Variants in LRRFIP1 observed in about 807,000 individuals in gnomAD.
The protein encoded by LRRFIP1 is leucine-rich repeat flightless-interacting protein 1.
In LRRFIP1, 62 loss-of-function variants were observed where a neutral mutation model predicts 104.4. That is an observed-to-expected ratio of 0.59 (90% CI 0.48 to 0.73). LRRFIP1 has a LOEUF of 0.73. Among genes scored for constraint, LRRFIP1 ranks in the 30% least tolerant of loss-of-function variants. LRRFIP1 has a pLI of 0.00. For missense variants in LRRFIP1, 796 were observed against 824.5 expected, an observed-to-expected ratio of 0.97 and a Z score of 0.42; for synonymous variants, 300 against 299.0, an observed-to-expected ratio of 1.00 and a Z score of -0.03.
intron 1 of LRRFIP1, among the ~76,000 whole-genome samples, chr2:237,694,784 G>A (rs1036146809): frequency 2.6e-5 from 4 of 152,238 alleles, no homozygotes; most frequent in Non-Finnish European, 4.4e-5. Context: ...GAGAGGGTCC[G>A]ATGCGGACAG....
In LRRFIP1 at chr2:237,653,764, A is replaced by T. The variant is rs185900489; in HGVS notation, c.96+26024A>T. ...AAGATCACACTATGGGGAAAGGATA[A>T]TCTCCTCAATAAGTGATGTTGGGGA... On this transcript the variant is annotated intron_variant, in intron 1 of 23. Transcript: ENST00000308482. 1.1e-3 allele frequency among the ~76,000 whole-genome samples: 162 copies of T among 152,362 alleles called. 1 individual carries two copies. The highest frequency in any genetic ancestry group is 3.4e-3 in the Middle Eastern group (1 of 294).
At chr2:237,747,937 A>G (rs1194206546) in intron 11 of LRRFIP1, among the ~76,000 whole-genome samples, 1 of 152,186 alleles carries the variant, frequency 6.6e-6, no homozygotes, top group Non-Finnish European at 1.5e-5. Context: ...AAACAAAAAA[A>G]GGAGAAAAAA....
At chr2:237,760,969 C>T (rs540627107) in intron 19 of LRRFIP1, among the ~76,000 whole-genome samples, 2 of 152,272 alleles carry the variant, frequency 1.3e-5, no homozygotes, top group South Asian at 2.1e-4. Context: ...CAGATTCTGG[C>T]GTGCAGCCTG....
At chr2:237,762,407 CACTG>C (rs1367864186) in intron 19 of LRRFIP1, among the ~76,000 whole-genome samples, 23 of 152,312 alleles carry the variant, frequency 1.5e-4, no homozygotes, top group Non-Finnish European at 2.5e-4. Context: ...CAGTGGCCCT[CACTG>C]ACCCAAAATT....
At chr2:237,749,398 A>T (rs543359332) in intron 13 of LRRFIP1, 74 bp downstream of exon 13, 3 of 1,514,734 alleles carry the variant, frequency 2.0e-6, no homozygotes, top group Non-Finnish European at 2.7e-6. Flanking sequence ...AAAAAAAAAA[A>T]AGTTAATTCA....
intron 8 of LRRFIP1, chr2:237,729,865 C>G: frequency 1.0e-6 from 1 of 977,272 alleles, no homozygotes; most frequent in Non-Finnish European, 1.2e-6. Flanking sequence ...TTAAATCTTT[C>G]ACATTCTCTT....
Position 237,720,792 on chromosome 2 carries a change from C to G in LRRFIP1, c.315C>G (p.Arg105=). ...AATAGGCTTCTGATGAAGACGAGCG[C>G]ATGTCAGTGGGTAGTCGTGGAAGCC... ...RNTSASDEDE[R]MSVGSRGSLR... Residue 105 remains arginine, a synonymous_variant, in exon 6 of 24, where the codon CGC becomes CGG. Coordinates refer to ENST00000308482, the MANE Select transcript of LRRFIP1 (RefSeq NM_001137550.2). 6.2e-7 allele frequency: 1 copy of G among 1,614,060 alleles called. No homozygotes were observed. Among genetic ancestry groups the G allele is most frequent in the Non-Finnish European group, 8.5e-7 (1 of 1,179,924 alleles).
In LRRFIP1 at chr2:237,765,167, G is replaced by A. The variant is rs144228647; in HGVS notation, c.1460-4776G>A. On this transcript the variant is annotated intron_variant, in intron 19 of 23. Coordinates refer to ENST00000308482, the MANE Select transcript of LRRFIP1 (RefSeq NM_001137550.2). Reference sequence around the variant, plus strand: ...AATCCCAGCCACTCCAGAGGCTGAGGCAGGAGAATCGCTTGAACCTGCGAG... The same window carrying A: ...AATCCCAGCCACTCCAGAGGCTGAGACAGGAGAATCGCTTGAACCTGCGAG... The A allele has an allele frequency of 2.9e-3, 518 of 176,108 alleles. 28 individuals carry two copies. The East Asian group carries it at 0.084, about 28-fold the overall frequency. 10.9% of individuals were successfully genotyped at this position (176,108 alleles called of 1,614,324 possible). A position where few individuals can be genotyped will look rare whatever the true frequency, so the allele number is the denominator to read the frequency against.
At chr2:237,645,291 A>G (rs2149347876) in intron 1 of LRRFIP1, among the ~76,000 whole-genome samples, 1 of 152,272 alleles carries the variant, frequency 6.6e-6, no homozygotes, top group African/African-American at 2.4e-5. Context: ...CAACCAGTGA[A>G]CTTGAGAGCA....
chr2:237,628,518 G>C (rs2081916086), intron 1 of LRRFIP1, among the ~76,000 whole-genome samples: 1 of 152,158 alleles, frequency 6.6e-6, no homozygotes, highest in South Asian at 2.1e-4. Context: ...GGGACAGAGA[G>C]CAGCAGCTTG....
chr2:237,681,180 T>G (rs59712186), intron 1 of LRRFIP1, among the ~76,000 whole-genome samples: 44,047 of 152,076 alleles, frequency 0.29, 7,793 homozygotes, highest in Middle Eastern at 0.45. Flanking sequence ...GGTCCTTTAC[T>G]GCTTCCTGAA....
chr2:237,769,611 T>C (rs896599033), intron 19 of LRRFIP1: 1 of 285,204 alleles, frequency 3.5e-6, no homozygotes, highest in African/African-American at 2.1e-5. Context: ...TTGCTAATAA[T>C]GTTAAACCAT....
intron 1 of LRRFIP1, among the ~76,000 whole-genome samples, chr2:237,664,022 G>A (rs1184573367): frequency 6.6e-6 from 1 of 152,150 alleles, no homozygotes; most frequent in Non-Finnish European, 1.5e-5. Context: ...TCAGGGCACT[G>A]GGAGGGAGGA....
intron 20 of LRRFIP1, 73 bp from the exon 21 acceptor site, chr2:237,772,008 G>T: frequency 9.9e-7 from 1 of 1,006,672 alleles, no homozygotes; most frequent in South Asian, 1.4e-5. Context: ...CCTTTCTGAT[G>T]GGCTCTAACT....
chr2:237,776,903 T>A (rs957661959), intron 23 of LRRFIP1, among the ~76,000 whole-genome samples: 2 of 152,238 alleles, frequency 1.3e-5, no homozygotes, highest in Non-Finnish European at 2.9e-5. Context: ...ATATTTGGAC[T>A]CGTTTTCACC....
intron 1 of LRRFIP1, among the ~76,000 whole-genome samples, chr2:237,643,784 C>A (rs1482180420): frequency 6.6e-6 from 1 of 152,160 alleles, no homozygotes; most frequent in Non-Finnish European, 1.5e-5. Flanking sequence ...CTTGACTTCA[C>A]ATAACATTTG....
intron 1 of LRRFIP1, among the ~76,000 whole-genome samples, chr2:237,673,209 C>G (rs1015864337): frequency 1.3e-5 from 2 of 152,202 alleles, no homozygotes; most frequent in South Asian, 2.1e-4. Context: ...AATTCCCTTT[C>G]CAAGGCTCTA....
chr2:237,654,103 G>A (rs930219181), intron 1 of LRRFIP1, among the ~76,000 whole-genome samples: 7 of 152,172 alleles, frequency 4.6e-5, no homozygotes, highest in African/African-American at 1.7e-4. Flanking sequence ...TTTGTAAACT[G>A]TGCATCTGTT....
In LRRFIP1 at chr2:237,661,523, G is replaced by A. The variant is rs879380897; in HGVS notation, c.96+33783G>A. 5.3e-5 allele frequency among the ~76,000 whole-genome samples: 8 copies of A among 152,118 alleles called. No individual in the cohort carries two copies. Among genetic ancestry groups the A allele is most frequent in the African/African-American group, 1.9e-4 (8 of 41,430 alleles). ...ATCCCTTTCCTTCCACCTCGCTCTC[G>A]GCCCCTGGTTCACCTTCTGTTCCTG... On this transcript the variant is annotated intron_variant, in intron 1 of 23. Coordinates refer to ENST00000308482, the MANE Select transcript of LRRFIP1 (RefSeq NM_001137550.2). This position sits in a 1 kb window ranked among gnomAD's most constrained non-coding sequence, Gnocchi z 4.4.
Sources: allele counts gnomAD v4.1 joint callset (sites outside exome capture counted in the v4.1 genomes callset), GRCh38; gene constraint gnomAD v4.1.1; non-coding constraint Gnocchi (gnomAD v3.1); transcripts MANE v1.5; gene names NCBI Gene and HGNC (gene_info 2026-07-23, HGNC 2026-07-21).